The following RASA2 variants were observed in gnomAD, a reference collection of about 807,000 sequenced individuals.
RASA2 encodes the protein ras GTPase-activating protein 2.
RASA2 carries 155 observed loss-of-function variants against 118.2 expected under a neutral mutation model. That is an observed-to-expected ratio of 1.31 (90% CI 1.15 to 1.50). The LOEUF (loss-of-function observed/expected upper bound fraction) is 1.50. Among genes scored for constraint, RASA2 ranks in the 40% most tolerant of loss-of-function variants. RASA2 has a pLI of 0.00. For synonymous variants in RASA2, 353 were observed against 349.1 expected (o/e 1.01, Z -0.12); for missense variants, 1,016 against 1,009.6 (o/e 1.01, Z -0.09).
At chr3:141,528,966 A>G (rs1432210259) in intron 3 of RASA2, among the ~76,000 whole-genome samples, 1 of 151,978 alleles carries the variant, frequency 6.6e-6, no homozygotes, top group African/African-American at 2.4e-5. Flanking sequence ...AACTGTGTCT[A>G]CTTCTTAAAA....
chr3:141,511,735 T>C (rs1479501315), intron 1 of RASA2, among the ~76,000 whole-genome samples: 2 of 152,174 alleles, frequency 1.3e-5, no homozygotes, highest in East Asian at 3.8e-4. Flanking sequence ...GAAGTTTTTT[T>C]TCCTTTTCTT....
At chr3:141,606,860 TG>T (rs1248601846) in intron 19 of RASA2, among the ~76,000 whole-genome samples, 6 of 152,164 alleles carry the variant, frequency 3.9e-5, no homozygotes, top group African/African-American at 1.4e-4. Context: ...AAGCAAAGCT[TG>T]GGGGTGAAAT....
chr3:141,510,439 C>A (rs1432068040), intron 1 of RASA2, among the ~76,000 whole-genome samples: 1 of 152,124 alleles, frequency 6.6e-6, no homozygotes, highest in Non-Finnish European at 1.5e-5. Flanking sequence ...CAGCTGTCTA[C>A]CGTATGACAG....
Position 141,613,574 on chromosome 3 carries a change from A to G in RASA2, c.*1261A>G, listed in dbSNP as rs953596549. On this transcript the variant is annotated 3_prime_UTR_variant, in exon 24 of 24. Coordinates refer to ENST00000286364, the MANE Select transcript of RASA2 (RefSeq NM_006506.5). ...CTCTTATTTTGTCTTTTTTAATTCA[A>G]AACATTTTCTAAATGTGGTACTTTG... 5 of 152,202 alleles carry G rather than the reference A, an allele frequency of 3.3e-5. No homozygotes were observed. The highest frequency in any genetic ancestry group is 2.6e-4 in the Admixed American group (4 of 15,278). 9.4% of individuals were successfully genotyped at this position (152,202 alleles called of 1,614,324 possible).
At chr3:141,510,449 G>A (rs1198033481) in intron 1 of RASA2, among the ~76,000 whole-genome samples, 2 of 152,188 alleles carry the variant, frequency 1.3e-5, no homozygotes, top group South Asian at 4.1e-4. Context: ...CCGTATGACA[G>A]TCACTGTTTA....
In RASA2 at chr3:141,580,316, C is replaced by A. The variant is rs1008480602; in HGVS notation, c.1591-52C>A. The stretch of plus-strand genomic sequence containing the variant: ...ATTTACTCTATTCTACTTTTTTATA[C>A]AAACTATTTTCTTGAAAACTTAGTA... On this transcript the variant is annotated intron_variant, in intron 15 of 23. Transcript: ENST00000286364. The A allele has an allele frequency of 2.9e-6, 4 of 1,384,736 alleles. No homozygotes were observed. In the African/African-American group the frequency reaches 5.9e-5, roughly 20 times the overall value. 85.8% of individuals were successfully genotyped at this position (1,384,736 alleles called of 1,614,324 possible).
chr3:141,514,571 A>G (rs1360454596), intron 2 of RASA2, among the ~76,000 whole-genome samples: 2 of 152,242 alleles, frequency 1.3e-5, no homozygotes, highest in Non-Finnish European at 2.9e-5. Context: ...GATGTGGAAC[A>G]ACTGGAGCAT....
At chr3:141,572,213 T>G (rs2082935582) in intron 11 of RASA2, among the ~76,000 whole-genome samples, 1 of 151,862 alleles carries the variant, frequency 6.6e-6, no homozygotes, top group South Asian at 2.1e-4. Context: ...TGCCTCAGCC[T>G]CCTGAGTAGC....
intron 19 of RASA2, among the ~76,000 whole-genome samples, chr3:141,603,606 C>A (rs2083500586): frequency 6.6e-6 from 1 of 152,084 alleles, no homozygotes; most frequent in African/African-American, 2.4e-5. Context: ...AGATATAATT[C>A]ACATACCATA....
intron 3 of RASA2, 86 bp downstream of exon 3, chr3:141,516,517 A>T: frequency 3.9e-6 from 4 of 1,015,342 alleles, no homozygotes; most frequent in Non-Finnish European, 5.1e-6. Context: ...AAATTGCAGA[A>T]TAATATATGC....
At chr3:141,600,267 T>G (rs2107792543) in intron 19 of RASA2, 2 of 535,066 alleles carry the variant, frequency 3.7e-6, no homozygotes, top group South Asian at 2.8e-5. Context: ...CTGTATGTAT[T>G]TAGTTTTCAG....
At chr3:141,586,411 C>T (rs1431285424) in intron 18 of RASA2, among the ~76,000 whole-genome samples, 1 of 152,088 alleles carries the variant, frequency 6.6e-6, no homozygotes, top group African/African-American at 2.4e-5. Flanking sequence ...GGGAACCACT[C>T]ATTTGACCCT....
intron 19 of RASA2, among the ~76,000 whole-genome samples, chr3:141,598,211 T>C (rs1180244843): frequency 6.6e-6 from 1 of 152,134 alleles, no homozygotes; most frequent in Admixed American, 6.5e-5. Flanking sequence ...CCTGCATAAC[T>C]CTAGTACTAA....
At chr3:141,488,264 G>T (rs1204557305) in intron 1 of RASA2, among the ~76,000 whole-genome samples, 1 of 151,992 alleles carries the variant, frequency 6.6e-6, no homozygotes, top group African/African-American at 2.4e-5. Flanking sequence ...TCGAAAATTA[G>T]CATTATTTTC....
intron 3 of RASA2, among the ~76,000 whole-genome samples, chr3:141,518,458 C>T (rs976852252): frequency 4.4e-5 from 5 of 114,112 alleles, no homozygotes; most frequent in African/African-American, 6.9e-5. Flanking sequence ...GCTCCAGCCT[C>T]GGCAACAGAG....
intron 16 of RASA2, 62 bp from the exon 17 acceptor site, chr3:141,581,037 CA>C: frequency 7.1e-7 from 1 of 1,413,946 alleles, no homozygotes; most frequent in Non-Finnish European, 9.3e-7. Context: ...CTTAAAAATA[CA>C]GTCCATTCTA....
chr3:141,591,747 C>T (rs188500204), intron 19 of RASA2, among the ~76,000 whole-genome samples: 2 of 152,102 alleles, frequency 1.3e-5, no homozygotes, highest in African/African-American at 4.8e-5. Flanking sequence ...GCTTATATAG[C>T]CAGCCCTACC....
At chr3:141,514,080 T>C (rs959859867) in intron 2 of RASA2, among the ~76,000 whole-genome samples, 1 of 152,172 alleles carries the variant, frequency 6.6e-6, no homozygotes, top group Non-Finnish European at 1.5e-5. Flanking sequence ...TTAGATTTTA[T>C]CAAACTTAGA....
At chr3:141,530,370 T>C (rs1048073365) in intron 4 of RASA2, among the ~76,000 whole-genome samples, 3 of 152,130 alleles carry the variant, frequency 2.0e-5, no homozygotes, top group African/African-American at 7.2e-5. Flanking sequence ...AGATTCTGAG[T>C]AAAGATGTGT....
Sources: gnomAD v4.1 joint callset for allele counts (sites outside exome capture counted in the v4.1 genomes callset) on GRCh38, gnomAD v4.1.1 for gene constraint, MANE v1.5 for transcripts, NCBI Gene and HGNC (gene_info 2026-07-23, HGNC 2026-07-21) for gene names.